UBE2O: variants seen among roughly 807,000 people sequenced by gnomAD.
The protein encoded by UBE2O is ubiquitin conjugating enzyme E2 O.
Under a neutral mutation model 125.8 loss-of-function variants are expected in UBE2O, and 15 were observed. The ratio of observed to expected loss-of-function variants is 0.12; its 90% confidence interval spans 0.08 to 0.18. The LOEUF (loss-of-function observed/expected upper bound fraction) is 0.18, where lower values mean the gene tolerates loss of function less well. Among genes scored for constraint, UBE2O ranks in the 10% least tolerant of loss-of-function variants. The pLI, the probability that UBE2O is intolerant of heterozygous loss-of-function variation, is 1.00. For synonymous variants in UBE2O, 708 were observed against 703.2 expected (o/e 1.01, Z -0.11); for missense variants, 1,280 against 1,723.6 (o/e 0.74, Z 4.56).
At position 76,390,959 on chromosome 17, in the gene UBE2O, C is replaced by T. The variant is rs746800237; in HGVS notation, c.3863G>A (p.Cys1288Tyr). 2.5e-6 allele frequency: 4 copies of T among 1,608,538 alleles called. No homozygotes were observed. Among genetic ancestry groups the T allele is most frequent in the Non-Finnish European group, 3.4e-6 (4 of 1,177,462 alleles). Residue 1288 changes from cysteine (C) to tyrosine (Y), a missense_variant, in exon 18 of 18, where the codon TGC becomes TAC. Around this residue, in one of 10 missense-constraint regions of UBE2O, gnomAD observed 233 missense variants for 279.0 expected, o/e 0.84. Transcript: ENST00000319380. The part of the protein sequence containing the change: ...AALLEAGMPE[C>Y]TEDK ...GCCTGGCAGCTACTTGTCCTCTGTG[C>T]ACTCCGGCATGCCTGCCTCTAGCAG...
intron 1 of UBE2O, among the ~76,000 whole-genome samples, chr17:76,412,371 A>G (rs2072531179): frequency 6.6e-6 from 1 of 152,194 alleles, no homozygotes; most frequent in Non-Finnish European, 1.5e-5. Flanking sequence ...AAACAATCTG[A>G]GAAACGCCAC....
Position 76,396,870 on chromosome 17 carries a change from CCCA to C in UBE2O, c.2116-52_2116-50del. On this transcript the variant is annotated intron_variant, in intron 13 of 17. Coordinates refer to ENST00000319380, the MANE Select transcript of UBE2O (RefSeq NM_022066.4). The surrounding 1 kb of genome is among the most constrained non-coding windows in gnomAD (Gnocchi z 6.7). ...GGGTAAGCAGACAGGAAGTCACCTCCCCACCACTAAGGAGGAGCTCTGGGGATC... is the reference window on the plus strand; with the variant it reads ...GGGTAAGCAGACAGGAAGTCACCTCCCCACTAAGGAGGAGCTCTGGGGATC... The C allele has an allele frequency of 1.3e-6, 2 of 1,497,748 alleles. No homozygotes were observed. The highest frequency in any genetic ancestry group is 1.8e-6 in the Non-Finnish European group (2 of 1,108,124). 92.8% of individuals were successfully genotyped at this position (1,497,748 alleles called of 1,614,324 possible).
chr17:76,398,683 G>T lies in UBE2O; in HGVS notation c.1784-99C>A. ...GAGTGCAGAACCCTGACCTTCCCCC[G>T]TCTTGGAAGTGGTGAGACCCCTTCA... On this transcript the variant is annotated intron_variant, in intron 10 of 17. Coordinates refer to ENST00000319380, the MANE Select transcript of UBE2O (RefSeq NM_022066.4). The surrounding 1 kb of genome is among the most constrained non-coding windows in gnomAD (Gnocchi z 5.4). 6 of 1,466,540 alleles carry T rather than the reference G, an allele frequency of 4.1e-6. No individual in the cohort carries two copies. The highest frequency in any genetic ancestry group is 5.6e-6 in the Non-Finnish European group (6 of 1,063,628). 90.8% of individuals were successfully genotyped at this position (1,466,540 alleles called of 1,614,324 possible). A position where few individuals can be genotyped will look rare whatever the true frequency, so the allele number is the denominator to read the frequency against.
chr17:76,444,077 C>G (rs1260050810), intron 1 of UBE2O, among the ~76,000 whole-genome samples: 1 of 151,778 alleles, frequency 6.6e-6, no homozygotes, highest in Non-Finnish European at 1.5e-5. Context: ...AAATATTACT[C>G]GGACGTGGTG....
At position 76,452,808 on chromosome 17, in the gene UBE2O, C is replaced by A; in HGVS notation, c.334G>T (p.Gly112Cys). 1 of 1,517,356 alleles carries A rather than the reference C, an allele frequency of 6.6e-7. No individual in the cohort carries two copies. Among genetic ancestry groups the A allele is most frequent in the Non-Finnish European group, 8.8e-7 (1 of 1,135,608 alleles). 94.0% of individuals were successfully genotyped at this position (1,517,356 alleles called of 1,614,324 possible). A position where few individuals can be genotyped will look rare whatever the true frequency, so the allele number is the denominator to read the frequency against. ...SEAGGAGHEE[G>C]RASPLRRGYV... ...CCGCGGCGCAGGGGGCTGGCCCGGC[C>A]CTCCTCGTGGCCCGCGCCCCCGGCC... The change falls in exon 1 of 18, where the codon GGC becomes TGC. Residue 112 changes from glycine (G) to cysteine (C), a missense_variant. Around this residue, in one of 10 missense-constraint regions of UBE2O, gnomAD observed 188 missense variants for 192.5 expected, o/e 0.98. Transcript: ENST00000319380. This position sits in a 1 kb window ranked among gnomAD's most constrained non-coding sequence, Gnocchi z 4.4.
intron 1 of UBE2O, among the ~76,000 whole-genome samples, chr17:76,432,889 C>T (rs1410516365): frequency 1.3e-5 from 2 of 152,206 alleles, no homozygotes; most frequent in African/African-American, 4.8e-5. Flanking sequence ...ATGCAATACC[C>T]ATGCATGCCC....
At position 76,408,245 on chromosome 17, in the gene UBE2O, T is replaced by C. The variant is rs145532674; in HGVS notation, c.418-2673A>G. Among the ~76,000 whole-genome samples, 598 of 152,356 alleles carry C rather than the reference T, an allele frequency of 3.9e-3. 6 individuals carry two copies. The highest frequency in any genetic ancestry group is 0.037 in the South Asian group (181 of 4,830). ...CGTCAGGAAGGAACCGACGTGCTCC[T>C]GGCGAATGCAAGAGCTCTGGAGTTT... is the stretch of plus-strand genomic sequence containing the variant. On this transcript the variant is annotated intron_variant, in intron 1 of 17. Coordinates refer to ENST00000319380, the MANE Select transcript of UBE2O (RefSeq NM_022066.4).
At chr17:76,432,565 A>C (rs1423745906) in intron 1 of UBE2O, among the ~76,000 whole-genome samples, 1 of 152,188 alleles carries the variant, frequency 6.6e-6, no homozygotes, top group Admixed American at 6.5e-5. Flanking sequence ...AAGCCCTTTC[A>C]GTTTCTAAGG....
intron 1 of UBE2O, among the ~76,000 whole-genome samples, chr17:76,408,023 G>T (rs1453397589): frequency 6.6e-6 from 1 of 152,222 alleles, no homozygotes; most frequent in African/African-American, 2.4e-5. Flanking sequence ...CATGTGGAAG[G>T]ACTTAGGATG....
In UBE2O at chr17:76,396,970, T is replaced by G. The variant is rs781235752; in HGVS notation, c.2116-149A>C. The G allele has an allele frequency of 1.0e-5, 7 of 671,422 alleles. No homozygotes were observed. The highest frequency in any genetic ancestry group is 1.7e-5 in the Non-Finnish European group (7 of 407,520). The allele number at this position is 671,422 out of a possible 1,614,324, so 41.6% of individuals were successfully genotyped here. A position where few individuals can be genotyped will look rare whatever the true frequency, so the allele number is the denominator to read the frequency against. ...ACCTCATTCCACCCTTTCCCTGACC[T>G]CTGCTCTGGCTTTTGCAGTCCCTAG... On this transcript the variant is annotated intron_variant, in intron 13 of 17. Coordinates refer to ENST00000319380, the MANE Select transcript of UBE2O (RefSeq NM_022066.4). The surrounding 1 kb of genome is among the most constrained non-coding windows in gnomAD (Gnocchi z 6.7).
At position 76,403,186 on chromosome 17, in the gene UBE2O, C is replaced by A. The variant is rs528749456; in HGVS notation, c.589-487G>T. 1.2e-4 allele frequency among the ~76,000 whole-genome samples: 19 copies of A among 152,126 alleles called. No homozygotes were observed. The East Asian group carries it at 2.1e-3, about 17-fold the overall frequency. On this transcript the variant is annotated intron_variant, in intron 3 of 17. Coordinates refer to ENST00000319380, the MANE Select transcript of UBE2O (RefSeq NM_022066.4). Reference sequence around the variant, plus strand: ...CAGGTGTTTACTAACAGAAAGGGAGCAGGAAGGAGAAGAAGGAAGAGGAGT... The same window carrying A: ...CAGGTGTTTACTAACAGAAAGGGAGAAGGAAGGAGAAGAAGGAAGAGGAGT...
At chr17:76,444,891 C>G (rs935377116) in intron 1 of UBE2O, among the ~76,000 whole-genome samples, 15 of 152,224 alleles carry the variant, frequency 9.9e-5, no homozygotes, top group Admixed American at 3.3e-4. Flanking sequence ...CTGAGGCTCC[C>G]AGAATCCCTG....
chr17:76,399,324 G>T lies in UBE2O; in HGVS notation c.1628+125C>A. Reference sequence around the variant, plus strand: ...GGCACCTACGTTGTCTCGGGTGGGAGCCCCGGAGCCACTACAAGGCATGCA... The same window carrying T: ...GGCACCTACGTTGTCTCGGGTGGGATCCCCGGAGCCACTACAAGGCATGCA... On this transcript the variant is annotated intron_variant, in intron 9 of 17. Coordinates refer to ENST00000319380, the MANE Select transcript of UBE2O (RefSeq NM_022066.4). The surrounding 1 kb of genome is among the most constrained non-coding windows in gnomAD (Gnocchi z 6.9). 1 of 972,826 alleles carries T rather than the reference G, an allele frequency of 1.0e-6. No individual in the cohort carries two copies. The highest frequency in any genetic ancestry group is 1.5e-6 in the Non-Finnish European group (1 of 658,770). The allele number at this position is 972,826 out of a possible 1,614,324, so 60.3% of individuals were successfully genotyped here.
rs375729911 is a variant in UBE2O at position 76,452,101 on chromosome 17, C to T, written c.417+624G>A. Among the ~76,000 whole-genome samples the T allele has an allele frequency of 6.6e-6, 1 of 152,050 alleles. No individual in the cohort carries two copies. Reference sequence around the variant, plus strand: ...GTCGCAGCTGTCAGAATCCTCCCCCCCAAGTACTATTCATACCGGGGCTCT... The same window carrying T: ...GTCGCAGCTGTCAGAATCCTCCCCCTCAAGTACTATTCATACCGGGGCTCT... On this transcript the variant is annotated intron_variant, in intron 1 of 17. Transcript: ENST00000319380. This position sits in a 1 kb window ranked among gnomAD's most constrained non-coding sequence, Gnocchi z 4.4.
chr17:76,427,087 G>A (rs2072825299), intron 1 of UBE2O, among the ~76,000 whole-genome samples: 1 of 152,116 alleles, frequency 6.6e-6, no homozygotes, highest in Non-Finnish European at 1.5e-5. Flanking sequence ...TGTTGAACCT[G>A]GGGAGTAATC....
At chr17:76,451,062 T>C (rs1042671748) in intron 1 of UBE2O, among the ~76,000 whole-genome samples, 94 of 152,274 alleles carry the variant, frequency 6.2e-4, no homozygotes, top group Admixed American at 2.4e-3. Flanking sequence ...CTGATAAACA[T>C]AGCGGCTCCC....
chr17:76,394,802 A>G (rs756174592), intron 15 of UBE2O, among the ~76,000 whole-genome samples: 1 of 152,206 alleles, frequency 6.6e-6, no homozygotes. Context: ...TTTCCACTCA[A>G]AGGATCTGTA....
At chr17:76,430,530 T>G (rs1413548025) in intron 1 of UBE2O, 2 of 247,226 alleles carry the variant, frequency 8.1e-6, no homozygotes, top group Non-Finnish European at 1.6e-5. Flanking sequence ...GAGGATAACT[T>G]GAAGGGCCAC....
In UBE2O at chr17:76,400,479, G is replaced by A; in HGVS notation, c.966C>T (p.Ser322=). The A allele has an allele frequency of 6.2e-7, 1 of 1,613,136 alleles. No individual in the cohort carries two copies. The highest frequency in any genetic ancestry group is 8.5e-7 in the Non-Finnish European group (1 of 1,179,688). ...CCTGGGTGATGACAGAGGGTGGGGG[G>A]CTGACGCTGTCCGTGCCCCCTGGAC... ...SFCPGGTDSV[S]PPPSVITQEN... The change falls in exon 7 of 18, where the codon AGC becomes AGT. Residue 322 remains serine (S), a synonymous_variant. Coordinates refer to ENST00000319380, the MANE Select transcript of UBE2O (RefSeq NM_022066.4). The surrounding 1 kb of genome is among the most constrained non-coding windows in gnomAD (Gnocchi z 4.3).
Sources: allele counts gnomAD v4.1 joint callset (sites outside exome capture counted in the v4.1 genomes callset), GRCh38; gene constraint gnomAD v4.1.1; regional missense constraint gnomAD v4.1.1; non-coding constraint Gnocchi (gnomAD v3.1); transcripts MANE v1.5; gene names NCBI Gene and HGNC (gene_info 2026-07-23, HGNC 2026-07-21).